Variants in CR1L observed in about 807,000 individuals in gnomAD.
The protein encoded by CR1L is complement component receptor 1-like protein.
CR1L carries 59 observed loss-of-function variants against 62.3 expected under a neutral mutation model. The observed-to-expected ratio is 0.95, with a 90% confidence interval of 0.77 to 1.18. CR1L has a LOEUF of 1.18. Among genes scored for constraint, CR1L ranks in the 50% most tolerant of loss-of-function variants. CR1L has a pLI of 0.00. For synonymous variants in CR1L, 279 were observed against 248.7 expected (o/e 1.12, Z -1.15); for missense variants, 700 against 702.8 (o/e 1.00, Z 0.04).
intron 1 of CR1L, chr1:207,652,807 T>G: frequency 1.6e-6 from 1 of 610,218 alleles, no homozygotes; most frequent in Non-Finnish European, 3.0e-6. Flanking sequence ...GGGTACATAT[T>G]CCACTATGGA....
rs374201673 is a variant in CR1L at position 207,717,475 on chromosome 1, C to A, written c.1426C>A (p.Pro476Thr). 31 of 1,613,294 alleles carry A rather than the reference C, an allele frequency of 1.9e-5. No individual in the cohort carries two copies. The African/African-American group carries it at 3.7e-4, about 19-fold the overall frequency. ...KPPICQQIFC[P>T]NPPAILNGRH... is the part of the protein sequence containing the mutation. ...TGTTTTCTTTCTAGAAATCTTTTGT[C>A]CAAATCCTCCAGCTATCCTTAATGG... is the stretch of plus-strand genomic sequence containing the variant. Residue 476 changes from proline to threonine, a missense_variant, in exon 11 of 12, where the codon CCA (proline) becomes ACA (threonine). Physicochemically the swap from Pro to Thr is conservative, Grantham distance 38. Transcript: ENST00000508064.
chr1:207,690,904 G>A (rs377683064), intron 4 of CR1L, among the ~76,000 whole-genome samples: 78 of 152,300 alleles, frequency 5.1e-4, no homozygotes, highest in Middle Eastern at 3.4e-3. Flanking sequence ...ACTGGACATG[G>A]ATTTAGAAGC....
intron 1 of CR1L, among the ~76,000 whole-genome samples, chr1:207,653,493 CTTAGAG>C (rs1320536787): frequency 1.3e-5 from 2 of 152,188 alleles, no homozygotes; most frequent in Non-Finnish European, 2.9e-5. Context: ...TCTGCAAACT[CTTAGAG>C]TTAAAGTAGG....
chr1:207,718,807 A>G (rs576179085), intron 11 of CR1L, among the ~76,000 whole-genome samples: 1 of 151,888 alleles, frequency 6.6e-6, no homozygotes, highest in African/African-American at 2.4e-5. Flanking sequence ...ACACATGCAC[A>G]CGTATGTTTA....
At chr1:207,693,333 G>A (rs890985240) in intron 4 of CR1L, among the ~76,000 whole-genome samples, 1 of 152,148 alleles carries the variant, frequency 6.6e-6, no homozygotes, top group Non-Finnish European at 1.5e-5. Context: ...GGCCAGGCTG[G>A]TCTCAAACCC....
In CR1L at chr1:207,648,320, G is replaced by A. The variant is rs1381614698; in HGVS notation, c.97+2990G>A. ...AAAATGAATAGGGTGCAACATGGAA[G>A]ATAACAAAACTAAAAATGAAGAGAA... On this transcript the variant is annotated intron_variant, in intron 1 of 11. Coordinates refer to ENST00000508064, the MANE Select transcript of CR1L (RefSeq NM_175710.2). Among the ~76,000 whole-genome samples the A allele has an allele frequency of 2.0e-5, 3 of 151,856 alleles. No homozygotes were observed. The East Asian group carries it at 5.8e-4, about 29-fold the overall frequency.
chr1:207,666,148 T>C (rs1320834118), intron 1 of CR1L, among the ~76,000 whole-genome samples: 1 of 152,196 alleles, frequency 6.6e-6, no homozygotes, highest in Non-Finnish European at 1.5e-5. Context: ...TTAGAGTTAC[T>C]CCGTCCTCAC....
At chr1:207,661,220 G>A (rs1396218462) in intron 1 of CR1L, among the ~76,000 whole-genome samples, 2 of 152,150 alleles carry the variant, frequency 1.3e-5, no homozygotes, top group Admixed American at 6.5e-5. Context: ...CTGTCTCATT[G>A]ATCGTCTAAT....
chr1:207,702,088 C>A (rs1412759734), intron 9 of CR1L, among the ~76,000 whole-genome samples: 1 of 152,174 alleles, frequency 6.6e-6, no homozygotes, highest in Admixed American at 6.5e-5. Context: ...AACGCTGCAA[C>A]AAGCATGTCA....
rs778808894 is a variant in CR1L at position 207,694,651 on chromosome 1, G to A, written c.762G>A (p.Val254=). Residue 254 remains valine, a synonymous_variant, in exon 5 of 12, where the codon GTG becomes GTA. Coordinates refer to ENST00000508064, the MANE Select transcript of CR1L (RefSeq NM_175710.2). ...GCTTATTTTCCTTAAATGAAGTTGT[G>A]GAGTTTAGGTGTCAGCCTGGCTTTG... ...NRSLFSLNEV[V]EFRCQPGFGM... 4 of 1,611,756 alleles carry A rather than the reference G, an allele frequency of 2.5e-6. No individual in the cohort carries two copies. Among genetic ancestry groups the A allele is most frequent in the African/African-American group, 2.7e-5 (2 of 74,864 alleles).
Position 207,678,253 on chromosome 1 carries a change from AG to A in CR1L, c.334del (p.Asp112ThrfsTer72). 6.2e-7 allele frequency: 1 copy of A among 1,613,754 alleles called. No homozygotes were observed. The highest frequency in any genetic ancestry group is 8.5e-7 in the Non-Finnish European group (1 of 1,179,624). ...PVNGMAHVIK[D>X]IQFRSQIKYS... The stretch of plus-strand genomic sequence containing the variant: ...TGAATGGCATGGCACATGTGATCAA[AG>A]ACATCCAGTTCAGATCCCAAATTAA... On this transcript the variant is annotated frameshift_variant, in exon 3 of 12. Coordinates refer to ENST00000508064, the MANE Select transcript of CR1L (RefSeq NM_175710.2). LOFTEE classifies it high-confidence loss of function.
chr1:207,649,816 T>A (rs1323720), intron 1 of CR1L, among the ~76,000 whole-genome samples: 4 of 151,976 alleles, frequency 2.6e-5, no homozygotes, highest in African/African-American at 9.7e-5. Flanking sequence ...CCTTGATTAC[T>A]CTGTCATATA....
At chr1:207,701,671 C>T in intron 9 of CR1L, 53 bp downstream of exon 9, 3 of 1,609,852 alleles carry the variant, frequency 1.9e-6, no homozygotes, top group South Asian at 1.1e-5. Context: ...AGCAATACTA[C>T]CTTCTAGCCA....
In CR1L at chr1:207,678,395, T is replaced by C; in HGVS notation, c.377+98T>C. On this transcript the variant is annotated intron_variant, in intron 3 of 11. Coordinates refer to ENST00000508064, the MANE Select transcript of CR1L (RefSeq NM_175710.2). Reference sequence around the variant, plus strand: ...CATCTCAGAAAGGACAACTAAACTATTACCATCTGCTCTTTAAAGGCTTCA... The same window carrying C: ...CATCTCAGAAAGGACAACTAAACTACTACCATCTGCTCTTTAAAGGCTTCA... 3.8e-6 allele frequency: 4 copies of C among 1,061,888 alleles called. No homozygotes were observed. The Admixed American group carries it at 8.8e-5, about 23-fold the overall frequency. The allele number at this position is 1,061,888 out of a possible 1,614,324, so 65.8% of individuals were successfully genotyped here.
In CR1L at chr1:207,694,693, C is replaced by A; in HGVS notation, c.804C>A (p.Ser268=). 6.2e-7 allele frequency: 1 copy of A among 1,611,856 alleles called. No individual in the cohort carries two copies. The highest frequency in any genetic ancestry group is 2.2e-5 in the East Asian group (1 of 44,892). The change falls in exon 5 of 12, where the codon TCC becomes TCA. Residue 268 remains serine (S), a synonymous_variant. Coordinates refer to ENST00000508064, the MANE Select transcript of CR1L (RefSeq NM_175710.2). ...CTGGCTTTGGCATGAAAGGGCCCTC[C>A]CATGTGAAGTGCCAGGCCCTGAACA... ...CQPGFGMKGP[S]HVKCQALNKW...
chr1:207,696,074 G>A (rs1664097405), intron 5 of CR1L, among the ~76,000 whole-genome samples: 1 of 152,288 alleles, frequency 6.6e-6, no homozygotes, highest in South Asian at 2.1e-4. Flanking sequence ...TAGGACGAAG[G>A]CAGAGTTACC....
At chr1:207,681,783 A>G (rs1663802902) in intron 3 of CR1L, among the ~76,000 whole-genome samples, 1 of 152,220 alleles carries the variant, frequency 6.6e-6, no homozygotes, top group Admixed American at 6.5e-5. Flanking sequence ...TCTTGTTCTT[A>G]AGACAAATAG....
chr1:207,685,152 C>T (rs1663880306), intron 4 of CR1L, among the ~76,000 whole-genome samples: 1 of 152,050 alleles, frequency 6.6e-6, no homozygotes, highest in Non-Finnish European at 1.5e-5. Context: ...TACACCTATA[C>T]CTATATCTAT....
intron 4 of CR1L, among the ~76,000 whole-genome samples, chr1:207,684,752 AT>A (rs1175715839): frequency 1.3e-5 from 2 of 151,524 alleles, no homozygotes; most frequent in Admixed American, 1.3e-4. Flanking sequence ...AACGGCATAT[AT>A]GGCAAGATCT....
Sources: gnomAD v4.1 joint callset for allele counts (sites outside exome capture counted in the v4.1 genomes callset) on GRCh38, gnomAD v4.1.1 for gene constraint, MANE v1.5 for transcripts, NCBI Gene and HGNC (gene_info 2026-07-23, HGNC 2026-07-21) for gene names.